The following ZNF454 variants were observed in gnomAD, a reference collection of about 807,000 sequenced individuals.
The protein encoded by ZNF454 is zinc finger protein 454.
A neutral mutation model predicts 48.2 loss-of-function variants in ZNF454; 30 were observed. That is an observed-to-expected ratio of 0.62 (90% CI 0.47 to 0.84). The LOEUF (loss-of-function observed/expected upper bound fraction) is 0.84. Ranked by LOEUF, ZNF454 falls within the 40% of genes least tolerant of loss-of-function variation. The pLI is 0.00. For missense variants in ZNF454, 510 were observed against 623.1 expected (o/e 0.82, Z 1.93); for synonymous variants, 204 against 211.4 (o/e 0.97, Z 0.30).
chr5:178,948,391 A>T (rs1350282632), intron 4 of ZNF454, among the ~76,000 whole-genome samples: 1 of 152,266 alleles, frequency 6.6e-6, no homozygotes, highest in Admixed American at 6.5e-5. Flanking sequence ...CAATTAAAAG[A>T]AATTCATCCA....
chr5:178,959,589 T>A (rs1029433958), intron 4 of ZNF454, among the ~76,000 whole-genome samples: 1 of 152,144 alleles, frequency 6.6e-6, no homozygotes, highest in South Asian at 2.1e-4. Context: ...TCAAATGTGT[T>A]TATTGGGTTG....
Position 178,944,003 on chromosome 5 carries a change from A to G in ZNF454, c.33+1179A>G, listed in dbSNP as rs1759218411. Among the ~76,000 whole-genome samples, 7 of 152,324 alleles carry G rather than the reference A, an allele frequency of 4.6e-5. No individual in the cohort carries two copies. The South Asian group carries it at 1.5e-3, about 32-fold the overall frequency. On this transcript the variant is annotated intron_variant, in intron 2 of 4. Transcript: ENST00000519564. The surrounding 1 kb of genome is among the most constrained non-coding windows in gnomAD (Gnocchi z 4.1). ...GATTGTGCCAGTGCACTCCAGCCTG[A>G]GTGACAGAGCGAGACTCCATCTCAA...
chr5:178,986,713 G>A, the ZNF454 span: 1 of 1,604,922 alleles, frequency 6.2e-7, no homozygotes. Context: ...CAGAGACGAG[G>A]GCACCTCGTG....
At chr5:178,984,464 C>A in the ZNF454 span, among the ~76,000 whole-genome samples, 2 of 152,170 alleles carry the variant, frequency 1.3e-5, no homozygotes, top group African/African-American at 2.4e-5. Flanking sequence ...GTAGTCATGG[C>A]AAAACACCTA....
At chr5:178,956,488 C>T (rs936944551) in intron 4 of ZNF454, among the ~76,000 whole-genome samples, 38 of 145,086 alleles carry the variant, frequency 2.6e-4, no homozygotes, top group African/African-American at 8.5e-4. Flanking sequence ...CATCTTCCGT[C>T]CAGAGCAACT....
At chr5:178,988,920 C>T in the ZNF454 span, 1 of 1,604,282 alleles carries the variant, frequency 6.2e-7, no homozygotes, top group African/African-American at 1.3e-5. This position sits in a 1 kb window ranked among gnomAD's most constrained non-coding sequence, Gnocchi z 6.0. Flanking sequence ...TGCAGGGGGG[C>T]AGGCACCCAC....
At chr5:178,987,468 G>A in the ZNF454 span, 10 of 456,664 alleles carry the variant, frequency 2.2e-5, no homozygotes, top group East Asian at 1.4e-4. Flanking sequence ...AATGGGATGC[G>A]ATTCAGCCTT....
downstream of ZNF454, among the ~76,000 whole-genome samples, chr5:178,967,809 G>A (rs1032106310): frequency 2.1e-5 from 3 of 141,538 alleles, no homozygotes; most frequent in Non-Finnish European, 3.0e-5. Flanking sequence ...GTGTGATCTC[G>A]GCTCACTGTA....
At chr5:178,986,000 G>T in the ZNF454 span, 1 of 814,584 alleles carries the variant, frequency 1.2e-6, no homozygotes. Flanking sequence ...GGACTCAGGT[G>T]ATCCACCCAC....
chr5:178,989,665 C>T, the ZNF454 span: 12 of 570,636 alleles, frequency 2.1e-5, no homozygotes, highest in Non-Finnish European at 3.8e-5. Flanking sequence ...CTGGAGGTTC[C>T]AGGGTAGCAC....
Position 178,964,967 on chromosome 5 carries a change from C to T in ZNF454, c.563C>T (p.Ser188Phe). ...FECSECGKVFSKSSTLNKHQK... is the reference protein window; with the variant it reads ...FECSECGKVFFKSSTLNKHQK... ...TGTAGTGAGTGTGGAAAAGTCTTCTCTAAGAGTTCAACTCTTAATAAACAT... is the reference window on the plus strand; with the variant it reads ...TGTAGTGAGTGTGGAAAAGTCTTCTTTAAGAGTTCAACTCTTAATAAACAT... The change falls in exon 5 of 5, where the codon TCT becomes TTT. Residue 188 changes from serine to phenylalanine, a missense_variant. Ser to Phe is a radical substitution (Grantham distance 155, BLOSUM62 -2). This residue lies in a region of ZNF454 where 354 missense variants were observed against 408.9 expected (regional missense o/e 0.87). Transcript: ENST00000519564. The T allele has an allele frequency of 6.2e-7, 1 of 1,614,180 alleles. No individual in the cohort carries two copies. Among genetic ancestry groups the T allele is most frequent in the Non-Finnish European group, 8.5e-7 (1 of 1,180,028 alleles).
chr5:178,979,150 G>T, the ZNF454 span: 1 of 152,246 alleles, frequency 6.6e-6, no homozygotes, highest in Non-Finnish European at 1.5e-5. Flanking sequence ...GCTGAAGCGG[G>T]AGGATTGCTT....
chr5:178,983,857 C>T, the ZNF454 span, among the ~76,000 whole-genome samples: 6 of 152,294 alleles, frequency 3.9e-5, no homozygotes, highest in African/African-American at 1.4e-4. Context: ...TGCATAAAGG[C>T]GGGACCCTGG....
the ZNF454 span, among the ~76,000 whole-genome samples, chr5:178,976,461 G>T: frequency 6.6e-6 from 1 of 152,154 alleles, no homozygotes; most frequent in Non-Finnish European, 1.5e-5. Flanking sequence ...GCAGTCTGTG[G>T]GGGGCAGTGA....
In ZNF454 at chr5:178,941,352, C is replaced by T. The variant is rs910332201; in HGVS notation, c.-200C>T. ...GGGAGAGCGGGAGCGGTCGTGAGGT[C>T]GTCTGGGGAGAAGGGCGGAGGCAAA... On this transcript the variant is annotated 5_prime_UTR_variant, in exon 1 of 5. Transcript: ENST00000519564. This position sits in a 1 kb window ranked among gnomAD's most constrained non-coding sequence, Gnocchi z 5.5. 2 of 456,084 alleles carry T rather than the reference C, an allele frequency of 4.4e-6. No individual in the cohort carries two copies. The highest frequency in any genetic ancestry group is 2.0e-5 in the African/African-American group (1 of 50,082). 28.3% of individuals were successfully genotyped at this position (456,084 alleles called of 1,614,324 possible).
chr5:178,972,041 C>T, the ZNF454 span, among the ~76,000 whole-genome samples: 1 of 152,080 alleles, frequency 6.6e-6, no homozygotes, highest in Non-Finnish European at 1.5e-5. Context: ...TCAAGTGATT[C>T]TCCTGCTTCA....
At chr5:178,966,475 C>CT (rs1760161421), downstream of ZNF454, 1 of 151,142 alleles carries the variant, frequency 6.6e-6, no homozygotes, top group African/African-American at 2.4e-5. Context: ...ACTCCTCATT[C>CT]TTTAATACTG....
intron 4 of ZNF454, among the ~76,000 whole-genome samples, chr5:178,956,490 A>G (rs1161758895): frequency 6.8e-6 from 1 of 146,006 alleles, no homozygotes; most frequent in East Asian, 2.1e-4. Context: ...TCTTCCGTCC[A>G]GAGCAACTTT....
At chr5:178,982,826 C>G in the ZNF454 span, 8 of 969,946 alleles carry the variant, frequency 8.2e-6, no homozygotes, top group Non-Finnish European at 1.3e-5. Context: ...AACAAAAGCA[C>G]GAACAAGCAT....
Sources: allele counts gnomAD v4.1 joint callset (sites outside exome capture counted in the v4.1 genomes callset), GRCh38; gene constraint gnomAD v4.1.1; regional missense constraint gnomAD v4.1.1; non-coding constraint Gnocchi (gnomAD v3.1); transcripts MANE v1.5; gene names NCBI Gene and HGNC (gene_info 2026-07-23, HGNC 2026-07-21).